RIMS1: variants seen among roughly 807,000 people sequenced by gnomAD.
The protein encoded by RIMS1 is regulating synaptic membrane exocytosis protein 1.
In RIMS1, 83 loss-of-function variants were observed where a neutral mutation model predicts 214.1. The observed-to-expected ratio is 0.39, with a 90% CI of 0.32 to 0.47. RIMS1 has a LOEUF of 0.47. Ranked by LOEUF, RIMS1 falls within the 20% of genes least tolerant of loss-of-function variation. RIMS1 has a pLI of 0.99. For synonymous variants in RIMS1, 793 were observed against 786.8 expected (o/e 1.01, Z -0.13); for missense variants, 2,050 against 2,161.8 (o/e 0.95, Z 1.03).
Position 72,008,731 on chromosome 6 carries a change from C to T in RIMS1, c.245+39668C>T, listed in dbSNP as rs149539894. Among the ~76,000 whole-genome samples the T allele has an allele frequency of 5.0e-3, 754 of 152,210 alleles. 4 individuals are homozygous for T. The highest frequency in any genetic ancestry group is 8.9e-3 in the Non-Finnish European group (604 of 68,014). ...AAACATCGAAAGAGACAAAGAAGGC[C>T]ATTACATAATAGTAAAGGGATCAAT... On this transcript the variant is annotated intron_variant, in intron 2 of 33. Coordinates refer to ENST00000521978, the MANE Select transcript of RIMS1 (RefSeq NM_014989.7).
intron 2 of RIMS1, among the ~76,000 whole-genome samples, chr6:72,074,959 T>TA (rs1361234937): frequency 6.6e-6 from 1 of 152,186 alleles, no homozygotes; most frequent in Non-Finnish European, 1.5e-5. Context: ...TCTTTTTAAT[T>TA]AAAAAAATTA....
chr6:72,063,766 T>C (rs1166389500), intron 2 of RIMS1, among the ~76,000 whole-genome samples: 2 of 152,214 alleles, frequency 1.3e-5, no homozygotes, highest in African/African-American at 4.8e-5. Flanking sequence ...CTGTTTTAGT[T>C]TGTATTCGTT....
At chr6:71,921,972 C>T (rs1780139616) in intron 1 of RIMS1, among the ~76,000 whole-genome samples, 1 of 152,048 alleles carries the variant, frequency 6.6e-6, no homozygotes, top group African/African-American at 2.4e-5. Flanking sequence ...GCCAAGAAAA[C>T]CAGAACTAAA....
intron 1 of RIMS1, among the ~76,000 whole-genome samples, chr6:71,926,758 G>C (rs754849079): frequency 6.6e-6 from 1 of 152,074 alleles, no homozygotes; most frequent in African/African-American, 2.4e-5. Flanking sequence ...AGTAACTTTT[G>C]TATTAGTCAT....
chr6:72,257,242 G>A (rs1311327179), intron 16 of RIMS1, among the ~76,000 whole-genome samples: 4 of 149,304 alleles, frequency 2.7e-5, no homozygotes, highest in South Asian at 2.1e-4. Flanking sequence ...TTTTCCTTAT[G>A]ATAATAAAAA....
chr6:72,013,013 T>C (rs1191111774), intron 2 of RIMS1, among the ~76,000 whole-genome samples: 1 of 152,244 alleles, frequency 6.6e-6, no homozygotes, highest in Non-Finnish European at 1.5e-5. Context: ...TCTATGTCTA[T>C]GTAGGTGACG....
At chr6:72,164,821 A>T (rs903347980) in intron 4 of RIMS1, among the ~76,000 whole-genome samples, 2 of 152,206 alleles carry the variant, frequency 1.3e-5, no homozygotes, top group Admixed American at 1.3e-4. Context: ...TACTATATCT[A>T]CAAATGGCAG....
intron 19 of RIMS1, chr6:72,262,047 T>TA: frequency 1.0e-6 from 1 of 984,796 alleles, no homozygotes; most frequent in Non-Finnish European, 1.2e-6. Flanking sequence ...TCAAAAGAAA[T>TA]AAAAAACATG....
chr6:71,989,715 T>C (rs1047820584), intron 2 of RIMS1, among the ~76,000 whole-genome samples: 2 of 152,208 alleles, frequency 1.3e-5, no homozygotes, highest in African/African-American at 4.8e-5. Context: ...ATCTGCTACG[T>C]ACCAGGTACC....
chr6:72,189,753 C>G (rs1306489436), intron 6 of RIMS1, among the ~76,000 whole-genome samples: 7 of 152,228 alleles, frequency 4.6e-5, no homozygotes, highest in Admixed American at 4.6e-4. Context: ...TTCCTGCCAC[C>G]ATGGCCACTG....
At chr6:72,075,822 C>G (rs1233451696) in intron 2 of RIMS1, among the ~76,000 whole-genome samples, 1 of 152,116 alleles carries the variant, frequency 6.6e-6, no homozygotes, top group Non-Finnish European at 1.5e-5. Flanking sequence ...ACAGAGCTAT[C>G]TGTCTTATAG....
intron 4 of RIMS1, among the ~76,000 whole-genome samples, chr6:72,175,824 T>G (rs2047626372): frequency 3.3e-5 from 5 of 152,194 alleles, no homozygotes; most frequent in Admixed American, 3.3e-4. Flanking sequence ...ACCTTTTTAG[T>G]TTTTCTGCCA....
chr6:72,118,774 T>C (rs1203158378), intron 4 of RIMS1, among the ~76,000 whole-genome samples: 2 of 151,570 alleles, frequency 1.3e-5, no homozygotes, highest in Admixed American at 1.3e-4. Context: ...AATCCAGCAT[T>C]CCTTTACGAT....
At chr6:72,281,014 A>T (rs992127911) in intron 23 of RIMS1, among the ~76,000 whole-genome samples, 4 of 152,160 alleles carry the variant, frequency 2.6e-5, no homozygotes, top group Non-Finnish European at 5.9e-5. Context: ...ACTGAAGCAC[A>T]GAGACATTAA....
chr6:72,062,276 T>G (rs77202496), intron 2 of RIMS1, among the ~76,000 whole-genome samples: 1 of 152,286 alleles, frequency 6.6e-6, no homozygotes, highest in East Asian at 1.9e-4. Flanking sequence ...GTTCAACTTA[T>G]TTGGTCTGTA....
At chr6:71,966,450 A>G (rs1794461102) in intron 1 of RIMS1, among the ~76,000 whole-genome samples, 1 of 152,222 alleles carries the variant, frequency 6.6e-6, no homozygotes, top group Non-Finnish European at 1.5e-5. Context: ...GAAATTTTAA[A>G]CCAAAACCAC....
At chr6:72,043,695 C>G (rs1339445394) in intron 2 of RIMS1, among the ~76,000 whole-genome samples, 1 of 138,498 alleles carries the variant, frequency 7.2e-6, no homozygotes, top group Non-Finnish European at 1.6e-5. Flanking sequence ...TTTTTTCCCC[C>G]TTTTCTGCCT....
intron 28 of RIMS1, among the ~76,000 whole-genome samples, chr6:72,316,323 G>T (rs1274288341): frequency 1.3e-5 from 2 of 152,144 alleles, no homozygotes; most frequent in Admixed American, 6.5e-5. Flanking sequence ...GGACAGAGAA[G>T]AGGAGACAAG....
intron 2 of RIMS1, among the ~76,000 whole-genome samples, chr6:72,058,495 A>G (rs182679527): frequency 4.6e-5 from 7 of 152,204 alleles, no homozygotes; most frequent in African/African-American, 1.7e-4. Context: ...TTCTCAGTGT[A>G]TCTCCACCTG....
Sources: gnomAD v4.1 joint callset for allele counts (sites outside exome capture counted in the v4.1 genomes callset) on GRCh38, gnomAD v4.1.1 for gene constraint, MANE v1.5 for transcripts, NCBI Gene and HGNC (gene_info 2026-07-23, HGNC 2026-07-21) for gene names.